ABCA3: variants seen among roughly 807,000 people sequenced by gnomAD.
The protein encoded by ABCA3 is ATP binding cassette subfamily A member 3.
ABCA3 carries 88 observed loss-of-function variants against 172.8 expected under a neutral mutation model. The observed-to-expected ratio is 0.51, with a 90% confidence interval of 0.43 to 0.61. ABCA3 has a LOEUF of 0.61. ABCA3 is among the 20% of genes least tolerant of loss of function. The probability of loss-of-function intolerance (pLI) is 0.00; values close to 1 mark genes in which losing one functional copy is unlikely to be tolerated. For missense variants in ABCA3, 2,164 were observed against 2,301.0 expected (o/e 0.94, Z 1.22); for synonymous variants, 1,066 against 983.8 (o/e 1.08, Z -1.56).
intron 10 of ABCA3, among the ~76,000 whole-genome samples, chr16:2,311,261 C>G (rs955249396): frequency 2.0e-5 from 3 of 151,914 alleles, no homozygotes; most frequent in Non-Finnish European, 2.9e-5. Flanking sequence ...CGTGAGCCAC[C>G]GCGCCCAGCC....
In ABCA3 at chr16:2,289,469, C is replaced by G; in HGVS notation, c.2665G>C (p.Glu889Gln). The change falls in exon 20 of 33, where the codon GAG becomes CAG. Residue 889 changes from glutamate (E) to glutamine (Q), a missense_variant. This residue lies in a region of ABCA3 where 1,343 missense variants were observed against 1,369.6 expected (regional missense o/e 0.98). Coordinates refer to ENST00000301732, the MANE Select transcript of ABCA3 (RefSeq NM_001089.3). Reference protein sequence around the residue: ...DPSDGIGALIEEERTAVKLNT... With the variant: ...DPSDGIGALIQEERTAVKLNT... ...AGCTTGACAGCGGTGCGCTCCTCCT[C>G]GATGAGGGCTCCAATGCCGTCGGAG... The G allele has an allele frequency of 1.3e-6, 2 of 1,594,822 alleles. No homozygotes were observed. Among genetic ancestry groups the G allele is most frequent in the Non-Finnish European group, 1.7e-6 (2 of 1,172,558 alleles).
intron 13 of ABCA3, among the ~76,000 whole-genome samples, 170 bp from the exon 14 acceptor site, chr16:2,299,702 T>C (rs917719357): frequency 6.6e-6 from 1 of 152,124 alleles, no homozygotes; most frequent in African/African-American, 2.4e-5. Flanking sequence ...GCTGCTCCCC[T>C]CCGGTCTCCC....
intron 10 of ABCA3, among the ~76,000 whole-genome samples, chr16:2,311,073 A>G (rs557480175): frequency 6.6e-6 from 1 of 152,006 alleles, no homozygotes; most frequent in South Asian, 2.1e-4. Context: ...TCCTGGGTTC[A>G]AGCAATTCTC....
Position 2,281,575 on chromosome 16 carries a change from A to C in ABCA3, c.4036-66T>G. Reference sequence around the variant, plus strand: ...GCAGGGCGGCTTCCGTGGAGAAGGGAGGGGCGGGGGTGGATGTGGGAGGTC... The same window carrying C: ...GCAGGGCGGCTTCCGTGGAGAAGGGCGGGGCGGGGGTGGATGTGGGAGGTC... On this transcript the variant is annotated intron_variant, in intron 26 of 32. Transcript: ENST00000301732. This position sits in a 1 kb window ranked among gnomAD's most constrained non-coding sequence, Gnocchi z 4.7. 9.9e-6 allele frequency: 3 copies of C among 302,930 alleles called. No individual in the cohort carries two copies. The highest frequency in any genetic ancestry group is 1.9e-5 in the Non-Finnish European group (3 of 156,596). 18.8% of individuals were successfully genotyped at this position (302,930 alleles called of 1,614,324 possible). A position where few individuals can be genotyped will look rare whatever the true frequency, so the allele number is the denominator to read the frequency against.
At chr16:2,316,180 T>C (rs1596858664) in intron 10 of ABCA3, among the ~76,000 whole-genome samples, 1 of 129,768 alleles carries the variant, frequency 7.7e-6, no homozygotes, top group Non-Finnish European at 1.6e-5. Context: ...TGGTGGCAGG[T>C]AACGGTGGTG....
intron 18 of ABCA3, among the ~76,000 whole-genome samples, chr16:2,294,679 T>G (rs1235179561): frequency 6.6e-6 from 1 of 152,038 alleles, no homozygotes; most frequent in Admixed American, 6.6e-5. Context: ...AGCAAGACCT[T>G]GTTTTTAAAA....
chr16:2,295,725 A>C lies in ABCA3; in HGVS notation c.2279T>G (p.Met760Arg). Residue 760 changes from methionine (M) to arginine (R), a missense_variant, in exon 18 of 33, where the codon ATG becomes AGG. Met to Arg is a moderately conservative substitution (Grantham distance 91, BLOSUM62 -1). This residue lies in a region of ABCA3 where 1,343 missense variants were observed against 1,369.6 expected (regional missense o/e 0.98). Transcript: ENST00000301732. Reference sequence around the variant, plus strand: ...GCAGTGCGGCTCCTTCACCAGCGTCATGTGATAGCCGGCACCTGGAATACA... The same window carrying C: ...GCAGTGCGGCTCCTTCACCAGCGTCCTGTGATAGCCGGCACCTGGAATACA... ...LKQKYGAGYHMTLVKEPHCNP... is the reference protein window; with the variant it reads ...LKQKYGAGYHRTLVKEPHCNP... 1 of 1,613,934 alleles carries C rather than the reference A, an allele frequency of 6.2e-7. No individual in the cohort carries two copies. Among genetic ancestry groups the C allele is most frequent in the Middle Eastern group, 1.7e-4 (1 of 6,060 alleles).
chr16:2,284,926 G>A lies in ABCA3; in HGVS notation c.3556C>T (p.Leu1186=). The part of the protein sequence containing the change: ...GHMADTLLLL[L]LYGWAIIPLM... ...GGGATGATGGCCCAGCCGTAGAGCA[G>A]GAGCAGCAGCAGGGTGTCAGCCATG... is the stretch of plus-strand genomic sequence containing the variant. Residue 1186 remains leucine (L), a synonymous_variant, in exon 24 of 33, where the codon CTG becomes TTG. Coordinates refer to ENST00000301732, the MANE Select transcript of ABCA3 (RefSeq NM_001089.3). This position sits in a 1 kb window ranked among gnomAD's most constrained non-coding sequence, Gnocchi z 5.9. 6.2e-7 allele frequency: 1 copy of A among 1,613,988 alleles called. No individual in the cohort carries two copies. The highest frequency in any genetic ancestry group is 8.5e-7 in the Non-Finnish European group (1 of 1,179,988).
At position 2,284,652 on chromosome 16, in the gene ABCA3, G is replaced by A; in HGVS notation, c.3703+127C>T. 1 of 1,236,398 alleles carries A rather than the reference G, an allele frequency of 8.1e-7. No individual in the cohort carries two copies. The highest frequency in any genetic ancestry group is 1.3e-5 in the South Asian group (1 of 74,732). 76.6% of individuals were successfully genotyped at this position (1,236,398 alleles called of 1,614,324 possible). A position where few individuals can be genotyped will look rare whatever the true frequency, so the allele number is the denominator to read the frequency against. ...GCCGGGCAGGGCCAGCTGGGGCAGAGGGGCTGGTGAGCATGAACTGGGCCC... is the reference window on the plus strand; with the variant it reads ...GCCGGGCAGGGCCAGCTGGGGCAGAAGGGCTGGTGAGCATGAACTGGGCCC... On this transcript the variant is annotated intron_variant, in intron 24 of 32. Transcript: ENST00000301732. This position sits in a 1 kb window ranked among gnomAD's most constrained non-coding sequence, Gnocchi z 5.9.
intron 10 of ABCA3, among the ~76,000 whole-genome samples, chr16:2,313,415 A>G (rs749484416): frequency 2.6e-5 from 4 of 151,734 alleles, no homozygotes; most frequent in Non-Finnish European, 5.9e-5. Flanking sequence ...TTAGCTGGGC[A>G]TGCTGGCTTG....
At chr16:2,291,597 C>G (rs1433479201) in intron 19 of ABCA3, among the ~76,000 whole-genome samples, 1 of 152,188 alleles carries the variant, frequency 6.6e-6, no homozygotes, top group Non-Finnish European at 1.5e-5. Flanking sequence ...TAGGAGGGAC[C>G]CCAAGGCAGT....
intron 1 of ABCA3, chr16:2,332,306 G>T: frequency 1.5e-6 from 1 of 661,186 alleles, no homozygotes; most frequent in Non-Finnish European, 2.7e-6. Flanking sequence ...TGATAGTCAC[G>T]ATGGGCTTAT....
In ABCA3 at chr16:2,276,798, C is replaced by T. The variant is rs1354139094; in HGVS notation, c.4991G>A (p.Gly1664Asp). 1.2e-6 allele frequency: 2 copies of T among 1,613,758 alleles called. No individual in the cohort carries two copies. Among genetic ancestry groups the T allele is most frequent in the African/African-American group, 1.3e-5 (1 of 74,942 alleles). Residue 1664 changes from glycine (G) to aspartate (D), a missense_variant, in exon 33 of 33, where the codon GGT (glycine) becomes GAT (aspartate). This residue lies in a region of ABCA3 where 795 missense variants were observed against 881.9 expected (regional missense o/e 0.90). Transcript: ENST00000301732. Reference sequence around the variant, plus strand: ...CTTTTCCTTGGCTTTCTCCAGAATACCGAAAACCTTTGGGGAGCAGAAAAG... The same window carrying T: ...CTTTTCCTTGGCTTTCTCCAGAATATCGAAAACCTTTGGGGAGCAGAAAAG... ...GRDLSWAKVF[G>D]ILEKAKEKYG...
At position 2,298,632 on chromosome 16, in the gene ABCA3, T is replaced by A. The variant is rs1596844131; in HGVS notation, c.1742-92A>T. ...CCCCCCACCCCCTCTCTGTCTCCCC[T>A]AATTTCCTCTGAGGACCCTGCCCAT... On this transcript the variant is annotated intron_variant, in intron 14 of 32. Transcript: ENST00000301732. The A allele has an allele frequency of 1.3e-5, 19 of 1,509,588 alleles. No homozygotes were observed. The East Asian group carries it at 4.4e-4, about 35-fold the overall frequency. 93.5% of individuals were successfully genotyped at this position (1,509,588 alleles called of 1,614,324 possible). A position where few individuals can be genotyped will look rare whatever the true frequency, so the allele number is the denominator to read the frequency against.
At chr16:2,296,616 CT>C (rs2093680158) in intron 17 of ABCA3, among the ~76,000 whole-genome samples, 1 of 152,248 alleles carries the variant, frequency 6.6e-6, no homozygotes, top group Non-Finnish European at 1.5e-5. Flanking sequence ...CAGGAAGTGG[CT>C]AGTGAAACTC....
rs766707920 is a variant in ABCA3 at position 2,325,989 on chromosome 16, G to T, written c.319+21C>A. On this transcript the variant is annotated intron_variant, in intron 5 of 32. Coordinates refer to ENST00000301732, the MANE Select transcript of ABCA3 (RefSeq NM_001089.3). The stretch of plus-strand genomic sequence containing the variant: ...TGGAGGCACCACTAGGCCTGGCACC[G>T]AGAGCCCCGGCATGTCTCACCTCGC... 6.8e-6 allele frequency: 11 copies of T among 1,612,450 alleles called. No homozygotes were observed. The Admixed American group carries it at 1.0e-4, about 15-fold the overall frequency.
rs368830525 is a variant in ABCA3, at chr16:2,298,502, C to A, written c.1780G>T (p.Gly594Trp). 2 of 1,613,896 alleles carry A rather than the reference C, an allele frequency of 1.2e-6. No homozygotes were observed. Among genetic ancestry groups the A allele is most frequent in the Non-Finnish European group, 1.7e-6 (2 of 1,180,032 alleles). The part of the protein sequence containing the change: ...PPTSGRAYIS[G>W]YEISQDMVQI... ...ACCATGTCCTGGGAAATTTCATACC[C>A]GCTGATGTATGCCCGTCCACTGGTG... Residue 594 changes from glycine to tryptophan, a missense_variant, in exon 15 of 33, where the codon GGG (glycine) becomes TGG (tryptophan). Transcript: ENST00000301732.
In ABCA3 at chr16:2,317,726, G is replaced by A. The variant is rs753488430; in HGVS notation, c.912C>T (p.His304=). 10 of 1,614,142 alleles carry A rather than the reference G, an allele frequency of 6.2e-6. No homozygotes were observed. The highest frequency in any genetic ancestry group is 1.1e-5 in the South Asian group (1 of 91,094). The change falls in exon 9 of 33, where the codon CAC becomes CAT. Residue 304 remains histidine (H), a synonymous_variant. Coordinates refer to ENST00000301732, the MANE Select transcript of ABCA3 (RefSeq NM_001089.3). ...MRMMGLSSWL[H]WSAWFLLFFL... is the part of the protein sequence containing the mutation. ...AGAACAAGAGGAACCAGGCACTCCA[G>A]TGCAGCCAGCTGCTGAGCCCCATCA... is the stretch of plus-strand genomic sequence containing the variant.
At chr16:2,317,447 G>A in intron 9 of ABCA3, 44 bp from the exon 10 acceptor site, 1 of 1,611,024 alleles carries the variant, frequency 6.2e-7, no homozygotes, top group Non-Finnish European at 8.5e-7. Flanking sequence ...GCCGGCAGAG[G>A]TGGACCAGGA....
Sources: allele counts gnomAD v4.1 joint callset (sites outside exome capture counted in the v4.1 genomes callset), GRCh38; gene constraint gnomAD v4.1.1; regional missense constraint gnomAD v4.1.1; non-coding constraint Gnocchi (gnomAD v3.1); transcripts MANE v1.5; gene names NCBI Gene and HGNC (gene_info 2026-07-23, HGNC 2026-07-21).